The following PRR5L variants were observed in gnomAD, a reference collection of about 807,000 sequenced individuals.
The protein encoded by PRR5L is proline rich 5 like.
A neutral mutation model predicts 36.4 loss-of-function variants in PRR5L; 21 were observed. The observed-to-expected ratio is 0.58, with a 90% confidence interval of 0.41 to 0.83. The LOEUF is 0.83. Ranked by LOEUF, PRR5L falls within the 40% of genes least tolerant of loss-of-function variation. The pLI is 0.00. For synonymous variants in PRR5L, 188 were observed against 197.0 expected, an observed-to-expected ratio of 0.95 and a Z score of 0.38; for missense variants, 381 against 473.3, an observed-to-expected ratio of 0.80 and a Z score of 1.81.
At chr11:36,310,772 G>T (rs912687560) in intron 1 of PRR5L, among the ~76,000 whole-genome samples, 4 of 152,222 alleles carry the variant, frequency 2.6e-5, no homozygotes, top group Admixed American at 2.0e-4. Flanking sequence ...GCCGAGGTGG[G>T]CAGATTACAA....
chr11:36,442,300 T>C (rs1858738108), intron 6 of PRR5L, among the ~76,000 whole-genome samples: 1 of 152,168 alleles, frequency 6.6e-6, no homozygotes, highest in South Asian at 2.1e-4. Context: ...GATCTTAGGC[T>C]GTTCGAAGCA....
intron 1 of PRR5L, among the ~76,000 whole-genome samples, chr11:36,310,923 G>A (rs2133455092): frequency 6.7e-6 from 1 of 149,954 alleles, no homozygotes; most frequent in Admixed American, 6.7e-5. Context: ...CTTGAACCAG[G>A]GAGTCAGAGG....
In PRR5L at chr11:36,374,047, C is replaced by CTCCTTCCTTCCT. The variant is rs59668248; in HGVS notation, c.-125-26901_-125-26890dup. Among the ~76,000 whole-genome samples the CTCCTTCCTTCCT allele has an allele frequency of 9.1e-4, 107 of 117,822 alleles. 1 individual carries two copies. The highest frequency in any genetic ancestry group is 4.1e-3 in the Middle Eastern group (1 of 246). 77.3% of individuals were successfully genotyped at this position (117,822 alleles called of 152,430 possible). On this transcript the variant is annotated intron_variant, in intron 1 of 8. Coordinates refer to ENST00000530639, the MANE Select transcript of PRR5L (RefSeq NM_001160167.2). Reference sequence around the variant, plus strand: ...GTAAAAGACAGATAATAATTTTTTCCTCCTTCCTTCCTTCCTTCCTTCCTT... The same window carrying CTCCTTCCTTCCT: ...GTAAAAGACAGATAATAATTTTTTCCTCCTTCCTTCCTTCCTTCCTTCCTTCCTTCCTTCCTT...
At chr11:36,413,585 G>T (rs550674647) in intron 3 of PRR5L, among the ~76,000 whole-genome samples, 1 of 148,364 alleles carries the variant, frequency 6.7e-6, no homozygotes, top group Non-Finnish European at 1.5e-5. Context: ...TTAAAGATAA[G>T]TATTAGTAAC....
At chr11:36,458,124 G>GT (rs1859103543) in intron 8 of PRR5L, among the ~76,000 whole-genome samples, 1 of 152,190 alleles carries the variant, frequency 6.6e-6, no homozygotes, top group Non-Finnish European at 1.5e-5. Flanking sequence ...GCTCCTTGGC[G>GT]TTTTGTCTCT....
intron 1 of PRR5L, among the ~76,000 whole-genome samples, chr11:36,329,885 CT>C (rs1856701547): frequency 6.6e-6 from 1 of 152,150 alleles, no homozygotes; most frequent in African/African-American, 2.4e-5. Flanking sequence ...GCTGGGAACC[CT>C]GTAGTCCAGG....
intron 8 of PRR5L, 110 bp downstream of exon 8, chr11:36,451,445 C>T: frequency 1.5e-6 from 2 of 1,348,772 alleles, no homozygotes; most frequent in East Asian, 4.8e-5. Flanking sequence ...TTTAACTGAG[C>T]ACAGCCTTTT....
chr11:36,407,139 T>C (rs1857928409), intron 3 of PRR5L, among the ~76,000 whole-genome samples: 1 of 152,056 alleles, frequency 6.6e-6, no homozygotes, highest in South Asian at 2.1e-4. Flanking sequence ...AATGGGTGAG[T>C]ACGAGGCATG....
At chr11:36,395,313 G>A (rs548083070) in intron 1 of PRR5L, among the ~76,000 whole-genome samples, 179 of 152,338 alleles carry the variant, frequency 1.2e-3, no homozygotes, top group African/African-American at 4.2e-3. Flanking sequence ...TGGCCATGAC[G>A]TGTTATTAGA....
intron 1 of PRR5L, among the ~76,000 whole-genome samples, chr11:36,297,865 G>A (rs947840617): frequency 5.1e-4 from 77 of 152,202 alleles, no homozygotes; most frequent in African/African-American, 1.8e-3. Context: ...CTCTCCTCTG[G>A]CTTACTGATG....
At chr11:36,446,590 C>A in intron 7 of PRR5L, 150 bp downstream of exon 7, 1 of 973,124 alleles carries the variant, frequency 1.0e-6, no homozygotes, top group Non-Finnish European at 1.5e-6. Flanking sequence ...TTCATTCATT[C>A]ATTCATTTGT....
chr11:36,385,507 A>G (rs1373175742), intron 1 of PRR5L, among the ~76,000 whole-genome samples: 1 of 152,232 alleles, frequency 6.6e-6, no homozygotes, highest in Non-Finnish European at 1.5e-5. Context: ...ACACTTAGTG[A>G]ACACCGTTAA....
intron 1 of PRR5L, among the ~76,000 whole-genome samples, chr11:36,304,731 C>A (rs1460239745): frequency 2.0e-5 from 3 of 152,182 alleles, no homozygotes; most frequent in African/African-American, 4.8e-5. Context: ...AAATTAATTA[C>A]CCTCTCTGTG....
At position 36,463,993 on chromosome 11, in the gene PRR5L, G is replaced by C. The variant is rs1859245246; in HGVS notation, c.*1257G>C. The stretch of plus-strand genomic sequence containing the variant: ...GTGCTGGGAGAGAGGGGAGATGTGG[G>C]CAGGACCTTTTGGAAGGATGTTTAT... On this transcript the variant is annotated 3_prime_UTR_variant, in exon 9 of 9. Coordinates refer to ENST00000530639, the MANE Select transcript of PRR5L (RefSeq NM_001160167.2). The C allele has an allele frequency of 1.3e-5, 2 of 152,210 alleles. No homozygotes were observed. Among genetic ancestry groups the C allele is most frequent in the Admixed American group, 6.5e-5 (1 of 15,288 alleles). 9.4% of individuals were successfully genotyped at this position (152,210 alleles called of 1,614,324 possible).
At chr11:36,381,638 A>G (rs1857369451) in intron 1 of PRR5L, 1 of 152,084 alleles carries the variant, frequency 6.6e-6, no homozygotes, top group African/African-American at 2.4e-5. Context: ...ATCATTCCCC[A>G]GATGTCTTTG....
intron 1 of PRR5L, among the ~76,000 whole-genome samples, chr11:36,382,611 T>C (rs1243953389): frequency 6.6e-6 from 1 of 152,162 alleles, no homozygotes; most frequent in Non-Finnish European, 1.5e-5. Context: ...ACTAGAGCCT[T>C]GGTCAGGGCT....
chr11:36,329,551 C>T (rs1352137002), intron 1 of PRR5L, among the ~76,000 whole-genome samples: 1 of 152,116 alleles, frequency 6.6e-6, no homozygotes, highest in East Asian at 1.9e-4. Flanking sequence ...TCCCATTTTG[C>T]TCAAAGATAA....
chr11:36,446,013 C>G (rs1858820948), intron 6 of PRR5L, among the ~76,000 whole-genome samples: 1 of 152,154 alleles, frequency 6.6e-6, no homozygotes, highest in South Asian at 2.1e-4. Flanking sequence ...TTCTCTTTCT[C>G]TCCTTCGTGA....
At chr11:36,381,146 T>C (rs1857360736) in intron 1 of PRR5L, among the ~76,000 whole-genome samples, 1 of 152,200 alleles carries the variant, frequency 6.6e-6, no homozygotes, top group African/African-American at 2.4e-5. Context: ...ACATCAATAT[T>C]CTGGTTTCAC....
Sources: allele counts gnomAD v4.1 joint callset (sites outside exome capture counted in the v4.1 genomes callset), GRCh38; gene constraint gnomAD v4.1.1; transcripts MANE v1.5; gene names NCBI Gene and HGNC (gene_info 2026-07-23, HGNC 2026-07-21).